VPS13D: variants seen among roughly 807,000 people sequenced by gnomAD.
VPS13D encodes the protein intermembrane lipid transfer protein VPS13D.
A neutral mutation model predicts 461.9 loss-of-function variants in VPS13D; 187 were observed. That is an observed-to-expected ratio of 0.40 (90% confidence interval 0.36 to 0.46). The LOEUF (loss-of-function observed/expected upper bound fraction) is 0.46. Ranked by LOEUF, VPS13D falls within the 20% of genes least tolerant of loss-of-function variation. The probability of loss-of-function intolerance (pLI) is 0.60; values close to 1 mark genes in which losing one functional copy is unlikely to be tolerated. For missense variants in VPS13D, 4,711 were observed against 5,364.9 expected (o/e 0.88, Z 3.81); for synonymous variants, 1,951 against 1,986.3 (o/e 0.98, Z 0.47).
chr1:12,509,225 A>T lies in VPS13D; in HGVS notation c.*201A>T. The T allele has an allele frequency of 1.7e-6, 1 of 601,570 alleles. No individual in the cohort carries two copies. The allele number at this position is 601,570 out of a possible 1,614,324, so 37.3% of individuals were successfully genotyped here. A position where few individuals can be genotyped will look rare whatever the true frequency, so the allele number is the denominator to read the frequency against. Reference sequence around the variant, plus strand: ...GTGAGGCAGGGAGTTATTTTAGATTATGGGAAATAATTTTTAAAGGTATTG... The same window carrying T: ...GTGAGGCAGGGAGTTATTTTAGATTTTGGGAAATAATTTTTAAAGGTATTG... On this transcript the variant is annotated 3_prime_UTR_variant, in exon 70 of 70. Transcript: ENST00000620676.
chr1:12,394,484 G>T (rs1038229798), intron 60 of VPS13D, among the ~76,000 whole-genome samples: 22 of 152,242 alleles, frequency 1.4e-4, no homozygotes, highest in Non-Finnish European at 3.2e-4. Flanking sequence ...GCCACCTCGG[G>T]ATCCAGTTAT....
chr1:12,483,308 C>T (rs1013795715), intron 67 of VPS13D, among the ~76,000 whole-genome samples: 8 of 152,224 alleles, frequency 5.3e-5, no homozygotes, highest in Admixed American at 2.6e-4. Context: ...CTTTGCCAAT[C>T]TGAAAGAGTG....
chr1:12,235,046 A>G (rs1232174965), intron 2 of VPS13D, among the ~76,000 whole-genome samples: 1 of 152,194 alleles, frequency 6.6e-6, no homozygotes, highest in Non-Finnish European at 1.5e-5. Context: ...GTTTTAATTT[A>G]AATTCTCTTT....
Position 12,250,448 on chromosome 1 carries a change from A to G in VPS13D, c.564+1109A>G, listed in dbSNP as rs189890128. ...TTTTAGGAATTCTGTGCCAGGAACC[A>G]GGGAAAAAGACCAAATATATTTCAT... On this transcript the variant is annotated intron_variant, in intron 6 of 69. Coordinates refer to ENST00000620676, the MANE Select transcript of VPS13D (RefSeq NM_015378.4). 1.4e-4 allele frequency among the ~76,000 whole-genome samples: 21 copies of G among 152,348 alleles called. No homozygotes were observed. In the East Asian group the frequency reaches 4.1e-3, roughly 29 times the overall value.
intron 67 of VPS13D, among the ~76,000 whole-genome samples, chr1:12,471,950 A>G (rs369843435): frequency 1.2e-4 from 18 of 152,202 alleles, no homozygotes; most frequent in East Asian, 1.2e-3. Flanking sequence ...TCCTATTGCT[A>G]ATTTATCCAC....
intron 52 of VPS13D, 94 bp from the exon 53 acceptor site, chr1:12,368,374 A>G: frequency 6.9e-7 from 1 of 1,454,036 alleles, no homozygotes; most frequent in Non-Finnish European, 9.2e-7. Flanking sequence ...CTGAGGCCCA[A>G]ACAGTGTTGT....
intron 56 of VPS13D, among the ~76,000 whole-genome samples, chr1:12,379,163 AT>A (rs1644239941): frequency 6.6e-6 from 1 of 152,194 alleles, no homozygotes. Context: ...TGTTGGAAAG[AT>A]TTTACATGTA....
rs1448554693 is a variant in VPS13D at position 12,277,316 on chromosome 1, G to A, written c.3728G>A (p.Gly1243Asp). ...QYVVSIGNSV[G>D]YENIISDIGY... ...GTTGTCAGCATTGGGAATTCTGTAG[G>A]CTATGAAAATATCATCAGTGATATT... The change falls in exon 19 of 70, where the codon GGC becomes GAC. Residue 1243 changes from glycine to aspartate, a missense_variant. This residue lies in a region of VPS13D where 4,411 missense variants were observed against 4,937.8 expected (regional missense o/e 0.89). Coordinates refer to ENST00000620676, the MANE Select transcript of VPS13D (RefSeq NM_015378.4). 6.2e-7 allele frequency: 1 copy of A among 1,614,162 alleles called. No individual in the cohort carries two copies. The highest frequency in any genetic ancestry group is 1.7e-5 in the Admixed American group (1 of 60,030).
At position 12,275,838 on chromosome 1, in the gene VPS13D, G is replaced by C. The variant is rs1299233500; in HGVS notation, c.2250G>C (p.Arg750Ser). Residue 750 changes from arginine to serine, a missense_variant, in exon 19 of 70, where the codon AGG (arginine) becomes AGC (serine). Physicochemically the swap from Arg to Ser is moderately radical, Grantham distance 110. Coordinates refer to ENST00000620676, the MANE Select transcript of VPS13D (RefSeq NM_015378.4). Reference protein sequence around the residue: ...LLTNTQDNSRRKSRDGSASEE... With the variant: ...LLTNTQDNSRSKSRDGSASEE... The stretch of plus-strand genomic sequence containing the variant: ...TTTTATCTTCAGATAACTCCAGGAG[G>C]AAAAGTAGGGATGGGTCAGCATCTG... The C allele has an allele frequency of 1.3e-6, 2 of 1,583,114 alleles. No individual in the cohort carries two copies. Among genetic ancestry groups the C allele is most frequent in the Non-Finnish European group, 1.7e-6 (2 of 1,166,734 alleles).
rs1261273511 is a variant in VPS13D at position 12,368,448 on chromosome 1, TTTGTTTCC to T, written c.10449-15_10449-8del. 2.5e-6 allele frequency: 4 copies of T among 1,588,656 alleles called. No homozygotes were observed. The highest frequency in any genetic ancestry group is 3.4e-6 in the Non-Finnish European group (4 of 1,169,564). On this transcript the variant is annotated splice_polypyrimidine_tract_variant and intron_variant, in intron 52 of 69. Transcript: ENST00000620676. Reference sequence around the variant, plus strand: ...GTCTCCTACATTTTATGTAGCCTCTTTTGTTTCCTTGTCCTGCAGGGATACCTTGGGAA... The same window carrying T: ...GTCTCCTACATTTTATGTAGCCTCTTTTGTCCTGCAGGGATACCTTGGGAA...
In VPS13D at chr1:12,346,689, C is replaced by G. The variant is rs191108032; in HGVS notation, c.9069+37C>G. On this transcript the variant is annotated intron_variant, in intron 44 of 69. Coordinates refer to ENST00000620676, the MANE Select transcript of VPS13D (RefSeq NM_015378.4). The stretch of plus-strand genomic sequence containing the variant: ...TTTCCTGTTGTCATTGTGTTTATTG[C>G]GTATATACACTGCACCTGAATCATG... 974 of 1,553,782 alleles carry G rather than the reference C, an allele frequency of 6.3e-4. 4 individuals are homozygous for G. Among genetic ancestry groups the G allele is most frequent in the Non-Finnish European group, 4.2e-5 (47 of 1,131,400 alleles).
intron 7 of VPS13D, among the ~76,000 whole-genome samples, chr1:12,255,619 C>T (rs988107044): frequency 6.6e-5 from 10 of 150,886 alleles, no homozygotes; most frequent in African/African-American, 1.9e-4. Flanking sequence ...AAAGGTTGGG[C>T]GTGGTGGCTC....
At chr1:12,354,785 A>T (rs996650389) in intron 47 of VPS13D, among the ~76,000 whole-genome samples, 4 of 152,190 alleles carry the variant, frequency 2.6e-5, no homozygotes, top group Non-Finnish European at 5.9e-5. Flanking sequence ...CACACTTGTA[A>T]TCTCATGTAA....
intron 29 of VPS13D, among the ~76,000 whole-genome samples, chr1:12,312,596 C>T (rs781362616): frequency 1.3e-5 from 2 of 151,998 alleles, no homozygotes; most frequent in African/African-American, 4.8e-5. Flanking sequence ...CCTGTCTCTA[C>T]AAAAAATTAA....
In VPS13D at chr1:12,276,079, G is replaced by A; in HGVS notation, c.2491G>A (p.Val831Met). The A allele has an allele frequency of 6.2e-7, 1 of 1,614,132 alleles. No homozygotes were observed. Among genetic ancestry groups the A allele is most frequent in the Non-Finnish European group, 8.5e-7 (1 of 1,180,030 alleles). The change falls in exon 19 of 70, where the codon GTG (valine) becomes ATG (methionine). Residue 831 changes from valine (V) to methionine (M), a missense_variant. Physicochemically the swap from Val to Met is conservative, Grantham distance 21 (BLOSUM62 1). Coordinates refer to ENST00000620676, the MANE Select transcript of VPS13D (RefSeq NM_015378.4). The surrounding 1 kb of genome is among the most constrained non-coding windows in gnomAD (Gnocchi z 4.5). ...GGACCTCCAGATCATGGTTGGACGA[G>A]TGAAAGACAATTGGAAGCATGTCCA... is the stretch of plus-strand genomic sequence containing the variant. Reference protein sequence around the residue: ...FMDLQIMVGRVKDNWKHVQDI... With the variant: ...FMDLQIMVGRMKDNWKHVQDI...
intron 5 of VPS13D, among the ~76,000 whole-genome samples, chr1:12,245,526 A>G (rs991127821): frequency 6.6e-6 from 1 of 152,188 alleles, no homozygotes; most frequent in African/African-American, 2.4e-5. Flanking sequence ...GTTGGTCACC[A>G]CTAAATAATT....
chr1:12,465,901 C>T (rs1255605410), intron 67 of VPS13D, among the ~76,000 whole-genome samples: 2 of 152,088 alleles, frequency 1.3e-5, no homozygotes, highest in Non-Finnish European at 2.9e-5. Context: ...CTTTGGGAGG[C>T]CGAGGTGGGC....
At chr1:12,440,894 A>G (rs1157671241) in intron 65 of VPS13D, among the ~76,000 whole-genome samples, 1 of 152,098 alleles carries the variant, frequency 6.6e-6, no homozygotes. Context: ...AAAAAATAAT[A>G]AAATTAAAAA....
intron 67 of VPS13D, among the ~76,000 whole-genome samples, chr1:12,465,430 T>C (rs1489000253): frequency 6.6e-6 from 1 of 152,088 alleles, no homozygotes; most frequent in African/African-American, 2.4e-5. Flanking sequence ...TTAAGTTAGA[T>C]AAGGAGGAAG....
Sources: gnomAD v4.1 joint callset for allele counts (sites outside exome capture counted in the v4.1 genomes callset) on GRCh38, gnomAD v4.1.1 for gene constraint, gnomAD v4.1.1 regional missense constraint, Gnocchi (gnomAD v3.1) non-coding constraint, MANE v1.5 for transcripts, NCBI Gene and HGNC (gene_info 2026-07-23, HGNC 2026-07-21) for gene names.